ZNF138: variants seen among roughly 807,000 people sequenced by gnomAD.
The protein encoded by ZNF138 is zinc finger protein 138.
A neutral mutation model predicts 33.0 loss-of-function variants in ZNF138; 33 were observed. That is an observed-to-expected ratio of 1.00 (90% confidence interval 0.76 to 1.34). The LOEUF is 1.34. Ranked by LOEUF, ZNF138 falls within the 40% of genes most tolerant of loss-of-function variation. ZNF138 has a pLI of 0.00. For missense variants in ZNF138, 360 were observed against 370.8 expected (o/e 0.97, Z 0.24); for synonymous variants, 139 against 120.4 (o/e 1.15, Z -1.01).
At chr7:64,821,982 G>A (rs1260137369) in intron 3 of ZNF138, among the ~76,000 whole-genome samples, 3 of 135,560 alleles carry the variant, frequency 2.2e-5, no homozygotes, top group Non-Finnish European at 3.0e-5. Flanking sequence ...GCAGTGGCGC[G>A]ATCTCAGCTC....
intron 2 of ZNF138, 78 bp downstream of exon 2, chr7:64,815,122 T>C: frequency 1.5e-6 from 2 of 1,366,232 alleles, no homozygotes; most frequent in Non-Finnish European, 1.9e-6. Context: ...AGAATGTCTT[T>C]TGGTAATTTA....
At chr7:64,821,217 G>A (rs973154805) in intron 3 of ZNF138, among the ~76,000 whole-genome samples, 1 of 150,950 alleles carries the variant, frequency 6.6e-6, no homozygotes, top group African/African-American at 2.5e-5. Context: ...AGCCTCCTGA[G>A]TAGCTGGGAC....
At chr7:64,794,802 T>C (rs1786556341) in intron 1 of ZNF138, among the ~76,000 whole-genome samples, 1 of 152,132 alleles carries the variant, frequency 6.6e-6, no homozygotes. Context: ...TGCCCTGGCC[T>C]GGAGCCCTCT....
intron 1 of ZNF138, among the ~76,000 whole-genome samples, chr7:64,810,712 G>GGGTAC (rs1299128293): frequency 2.0e-5 from 3 of 152,068 alleles, no homozygotes; most frequent in African/African-American, 7.2e-5. Context: ...ATTCTACATA[G>GGGTAC]GGTACACTCC....
chr7:64,806,674 T>C (rs1787624295), intron 1 of ZNF138, among the ~76,000 whole-genome samples: 1 of 152,212 alleles, frequency 6.6e-6, no homozygotes. Flanking sequence ...TTATCCCTTC[T>C]TTGAGCTGTG....
intron 3 of ZNF138, among the ~76,000 whole-genome samples, chr7:64,825,663 C>T (rs917326387): frequency 5.3e-5 from 8 of 151,560 alleles, no homozygotes; most frequent in African/African-American, 1.7e-4. Flanking sequence ...CCTCAGCCTT[C>T]TGAGGAGCTG....
chr7:64,841,661 T>C, the ZNF138 span, among the ~76,000 whole-genome samples: 2 of 152,264 alleles, frequency 1.3e-5, no homozygotes, highest in Admixed American at 1.3e-4. Context: ...TCTTATTATG[T>C]GTCTTCTGTG....
chr7:64,832,516 GA>G lies in ZNF138; in HGVS notation c.*318del. Reference sequence around the variant, plus strand: ...AAACCCCACAAATGTGGAGAATGCGGAAAAGCCTTTAACTGGTCCTCAACTC... The same window carrying G: ...AAACCCCACAAATGTGGAGAATGCGGAAAGCCTTTAACTGGTCCTCAACTC... On this transcript the variant is annotated 3_prime_UTR_variant, in exon 4 of 4. Coordinates refer to ENST00000307355, the MANE Select transcript of ZNF138 (RefSeq NM_001271639.2). 3 of 898,304 alleles carry G rather than the reference GA, an allele frequency of 3.3e-6. No individual in the cohort carries two copies. The highest frequency in any genetic ancestry group is 1.6e-6 in the Non-Finnish European group (1 of 629,476). The allele number at this position is 898,304 out of a possible 1,614,324, so 55.6% of individuals were successfully genotyped here.
intron 3 of ZNF138, among the ~76,000 whole-genome samples, chr7:64,824,619 C>T (rs2129010819): frequency 6.6e-6 from 1 of 152,200 alleles, no homozygotes; most frequent in Non-Finnish European, 1.5e-5. Flanking sequence ...TTGCTTTCTA[C>T]ATATTGGAGC....
intron 2 of ZNF138, 93 bp from the exon 3 acceptor site, chr7:64,815,483 A>T: frequency 9.3e-7 from 1 of 1,075,586 alleles, no homozygotes; most frequent in Non-Finnish European, 1.4e-6. Context: ...CATTCTCTTT[A>T]CTGAGCACAT....
chr7:64,832,957 C>A lies in ZNF138; in HGVS notation c.*755C>A, dbSNP rs979256869. On this transcript the variant is annotated 3_prime_UTR_variant, in exon 4 of 4. Coordinates refer to ENST00000307355, the MANE Select transcript of ZNF138 (RefSeq NM_001271639.2). The stretch of plus-strand genomic sequence containing the variant: ...TGTGGCAGTTGTTTTAACTAGTTCT[C>A]GAACTTTACTATGCATAAGAAAATT... 1 of 390,318 alleles carries A rather than the reference C, an allele frequency of 2.6e-6. No individual in the cohort carries two copies. The highest frequency in any genetic ancestry group is 2.1e-5 in the South Asian group (1 of 48,628). The allele number at this position is 390,318 out of a possible 1,614,324, so 24.2% of individuals were successfully genotyped here. A position where few individuals can be genotyped will look rare whatever the true frequency, so the allele number is the denominator to read the frequency against.
chr7:64,830,868 T>G, intron 3 of ZNF138: 6 of 1,445,028 alleles, frequency 4.2e-6, no homozygotes, highest in Non-Finnish European at 5.5e-6. Context: ...TTTTAGGGTT[T>G]TTTTAGTTCA....
rs1002568827 is a variant in ZNF138 at position 64,832,552 on chromosome 7, A to G, written c.*350A>G. 6 of 610,928 alleles carry G rather than the reference A, an allele frequency of 9.8e-6. No individual in the cohort carries two copies. Among genetic ancestry groups the G allele is most frequent in the Non-Finnish European group, 1.6e-5 (6 of 366,828 alleles). 37.8% of individuals were successfully genotyped at this position (610,928 alleles called of 1,614,324 possible). On this transcript the variant is annotated 3_prime_UTR_variant, in exon 4 of 4. Coordinates refer to ENST00000307355, the MANE Select transcript of ZNF138 (RefSeq NM_001271639.2). The stretch of plus-strand genomic sequence containing the variant: ...AACTGGTCCTCAACTCTTATTACAC[A>G]TAAGATAATTCACAGTGGAGAAAAA...
chr7:64,809,010 C>T (rs994814653), intron 1 of ZNF138, among the ~76,000 whole-genome samples: 5 of 131,372 alleles, frequency 3.8e-5, no homozygotes, highest in South Asian at 5.5e-4. Context: ...GGCAACCATC[C>T]GATTTCTCAA....
chr7:64,814,207 C>A, intron 1 of ZNF138: 1 of 905,908 alleles, frequency 1.1e-6, no homozygotes, highest in Non-Finnish European at 1.4e-6. Flanking sequence ...AAAAAATAAT[C>A]TGCATTAACC....
chr7:64,830,845 C>A, intron 3 of ZNF138: 1 of 1,348,626 alleles, frequency 7.4e-7, no homozygotes, highest in South Asian at 1.6e-5. Context: ...TAGGATGTGT[C>A]AGGTCTGAAA....
chr7:64,829,604 C>T (rs1156509860), intron 3 of ZNF138, among the ~76,000 whole-genome samples: 2 of 149,048 alleles, frequency 1.3e-5, no homozygotes, highest in Non-Finnish European at 3.0e-5. Flanking sequence ...TTGCATTCAA[C>T]AATTCTTTCT....
chr7:64,830,468 T>C (rs1370306750), intron 3 of ZNF138, among the ~76,000 whole-genome samples: 1 of 152,122 alleles, frequency 6.6e-6, no homozygotes, highest in Non-Finnish European at 1.5e-5. Flanking sequence ...AAAATATATT[T>C]GTGCATCTTT....
the ZNF138 span, among the ~76,000 whole-genome samples, chr7:64,840,208 T>G: frequency 5.9e-5 from 9 of 152,166 alleles, no homozygotes; most frequent in African/African-American, 2.2e-4. Context: ...AATTAAAAAT[T>G]TTAACATAAG....
Sources: allele counts gnomAD v4.1 joint callset (sites outside exome capture counted in the v4.1 genomes callset), GRCh38; gene constraint gnomAD v4.1.1; transcripts MANE v1.5; gene names NCBI Gene and HGNC (gene_info 2026-07-23, HGNC 2026-07-21).